ATM: variants seen among roughly 807,000 people sequenced by gnomAD.
ATM encodes the protein ATM serine/threonine kinase.
In ATM, 308 loss-of-function variants were observed where a neutral mutation model predicts 387.0. The ratio of observed to expected loss-of-function variants is 0.80; its 90% CI spans 0.73 to 0.87. The LOEUF (loss-of-function observed/expected upper bound fraction) is 0.87, where lower values mean the gene tolerates loss of function less well. ATM is among the 40% of genes least tolerant of loss of function. The pLI, the probability that ATM is intolerant of heterozygous loss-of-function variation, is 0.00. For missense variants in ATM, 3,312 were observed against 3,560.9 expected (o/e 0.93, Z 1.78); for synonymous variants, 1,156 against 1,187.3 (o/e 0.97, Z 0.54).
chr11:108,249,133 C>G (rs2135297272), intron 9 of ATM, 31 bp downstream of exon 9: 1 of 1,610,426 alleles, frequency 6.2e-7, no homozygotes, highest in Non-Finnish European at 8.5e-7. Flanking sequence ...CATTCAGTGT[C>G]ATTTTAATCT....
chr11:108,301,886 G>A, intron 35 of ATM, 97 bp downstream of exon 35: 1 of 1,283,384 alleles, frequency 7.8e-7, no homozygotes, highest in Non-Finnish European at 1.1e-6. Flanking sequence ...AAATAGTATT[G>A]TACTAACTAT....
chr11:108,295,312 AT>A (rs1020807935), intron 32 of ATM: 1,411 of 358,508 alleles, frequency 3.9e-3, no homozygotes, highest in Middle Eastern at 8.2e-3. Flanking sequence ...TACTGCCTAA[AT>A]TTTTTTTTTA....
intron 33 of ATM, among the ~76,000 whole-genome samples, chr11:108,298,887 AC>A (rs2083263451): frequency 6.6e-6 from 1 of 152,264 alleles, no homozygotes. Context: ...GTTTGTATAT[AC>A]TAGCAGTGCA....
intron 38 of ATM, chr11:108,309,213 A>C (rs941072337): frequency 4.7e-5 from 25 of 533,932 alleles, no homozygotes; most frequent in South Asian, 1.2e-4. Flanking sequence ...ACAACAACAA[A>C]AAAATTGCTT....
Position 108,327,685 on chromosome 11 carries a change from G to C in ATM, c.7016G>C (p.Arg2339Thr), listed in dbSNP as rs1305313302. Residue 2339 changes from arginine (R) to threonine (T), a missense_variant, in exon 48 of 63, where the codon AGG becomes ACG. By Grantham distance (71) the Arg-to-Thr change is moderately conservative. This residue lies in a region of ATM where 1,405 missense variants were observed against 1,604.4 expected (regional missense o/e 0.88). Transcript: ENST00000675843. ...AAACTTACATACACAGAATGTCTGA[G>C]GGTTTGTGGCAACTGGTTAGCAGAA... is the stretch of plus-strand genomic sequence containing the variant. Reference protein sequence around the residue: ...SLKLTYTECLRVCGNWLAETC... With the variant: ...SLKLTYTECLTVCGNWLAETC... 1 of 1,614,004 alleles carries C rather than the reference G, an allele frequency of 6.2e-7. No homozygotes were observed. The highest frequency in any genetic ancestry group is 8.5e-7 in the Non-Finnish European group (1 of 1,179,960).
rs1487809821 is a variant in ATM, at chr11:108,365,318, T to A, written c.8988-7T>A. 1.2e-6 allele frequency: 2 copies of A among 1,614,222 alleles called. No homozygotes were observed. The highest frequency in any genetic ancestry group is 8.5e-7 in the Non-Finnish European group (1 of 1,180,034). On this transcript the variant is annotated splice_polypyrimidine_tract_variant and splice_region_variant and intron_variant, in intron 62 of 62. Transcript: ENST00000675843. ...CCTCACTGAAACCTTTGTGTTTTTG[T>A]CCTTAGTGATATTGACCAGAGTTTC... is the stretch of plus-strand genomic sequence containing the variant.
At chr11:108,259,180 T>C in intron 16 of ATM, 105 bp downstream of exon 16, 1 of 978,464 alleles carries the variant, frequency 1.0e-6, no homozygotes, top group Non-Finnish European at 1.6e-6. Context: ...CATATAGCTC[T>C]TAACATTTTT....
chr11:108,291,000 C>A (rs1161260824), intron 29 of ATM, among the ~76,000 whole-genome samples: 2 of 151,910 alleles, frequency 1.3e-5, no homozygotes, highest in African/African-American at 2.4e-5. Flanking sequence ...CTTTGGGAGG[C>A]TGAGGCGGGT....
At chr11:108,293,550 C>G (rs1253510696) in intron 31 of ATM, 73 bp downstream of exon 31, 3 of 1,299,494 alleles carry the variant, frequency 2.3e-6, no homozygotes, top group Non-Finnish European at 3.3e-6. Flanking sequence ...CTGTAATGCT[C>G]TAGCAGTAAA....
At chr11:108,329,657 C>A (rs1214056208) in intron 49 of ATM, among the ~76,000 whole-genome samples, 8 of 152,124 alleles carry the variant, frequency 5.3e-5, no homozygotes, top group Admixed American at 2.6e-4. Flanking sequence ...ACGATCTGCC[C>A]ACCTTGGCCG....
rs186296779 is a variant in ATM at position 108,236,922 on chromosome 11, T to C, written c.496+1088T>C. 3.3e-4 allele frequency among the ~76,000 whole-genome samples: 51 copies of C among 152,308 alleles called. 1 individual carries two copies. Among genetic ancestry groups the C allele is most frequent in the Admixed American group, 2.9e-3 (44 of 15,294 alleles). ...GTAGGATTTGACATTAACAAGATGA[T>C]TTTAAGTCAGGTGTCAAAGTCTTCT... is the stretch of plus-strand genomic sequence containing the variant. On this transcript the variant is annotated intron_variant, in intron 5 of 62. Transcript: ENST00000675843.
At chr11:108,304,968 T>G (rs145131778) in intron 37 of ATM, 116 bp downstream of exon 37, 2 of 1,260,574 alleles carry the variant, frequency 1.6e-6, no homozygotes, top group African/African-American at 3.0e-5. Flanking sequence ...CCTCTAAATT[T>G]GTTTCTTCAT....
intron 49 of ATM, among the ~76,000 whole-genome samples, chr11:108,329,509 G>A (rs1165522377): frequency 1.3e-5 from 2 of 151,990 alleles, no homozygotes; most frequent in Non-Finnish European, 2.9e-5. Flanking sequence ...CGACCTCCTG[G>A]ACTCAATTGA....
intron 30 of ATM, 55 bp from the exon 31 acceptor site, chr11:108,293,235 TTTATTACAGTAAGTTTTGTTGGC>T: frequency 1.1e-6 from 1 of 919,698 alleles, no homozygotes; most frequent in Non-Finnish European, 1.6e-6. Context: ...GATTTTATCA[TTTATTACAGTAAGTTTTGTTGGC>T]TTACTTTAAA....
chr11:108,270,622 A>G (rs1422289010), intron 18 of ATM, among the ~76,000 whole-genome samples: 3 of 152,052 alleles, frequency 2.0e-5, no homozygotes, highest in Non-Finnish European at 2.9e-5. Flanking sequence ...TGTTTTTACT[A>G]TACACCTCTT....
chr11:108,317,701 AGTGT>A (rs2084866338), intron 43 of ATM, among the ~76,000 whole-genome samples, 180 bp downstream of exon 43: 1 of 145,514 alleles, frequency 6.9e-6, no homozygotes, highest in South Asian at 2.2e-4. Flanking sequence ...CCATATATAT[AGTGT>A]GTATGTGTGT....
chr11:108,266,760 C>T (rs1328532675), intron 16 of ATM, among the ~76,000 whole-genome samples: 1 of 150,806 alleles, frequency 6.6e-6, no homozygotes, highest in Non-Finnish European at 1.5e-5. Context: ...CATACTTACA[C>T]ATGAACCTTG....
chr11:108,359,222 G>A (rs1591348877), intron 61 of ATM, among the ~76,000 whole-genome samples: 1 of 151,540 alleles, frequency 6.6e-6, no homozygotes, highest in Admixed American at 6.6e-5. Flanking sequence ...ATGGTAAAGG[G>A]ATCAATTCAA....
chr11:108,240,693 T>C (rs2079512829), intron 5 of ATM, among the ~76,000 whole-genome samples: 1 of 93,520 alleles, frequency 1.1e-5, no homozygotes, highest in South Asian at 3.9e-4. Context: ...TACACCTGTC[T>C]AGGGCACTTA....
Sources: allele counts gnomAD v4.1 joint callset (sites outside exome capture counted in the v4.1 genomes callset), GRCh38; gene constraint gnomAD v4.1.1; regional missense constraint gnomAD v4.1.1; transcripts MANE v1.5; gene names NCBI Gene and HGNC (gene_info 2026-07-23, HGNC 2026-07-21).